ENO3: variants seen among roughly 807,000 people sequenced by gnomAD.
ENO3 encodes enolase 3, also known as beta-enolase.
Under a neutral mutation model 47.7 loss-of-function variants are expected in ENO3, and 46 were observed. The observed-to-expected ratio is 0.96, with a 90% confidence interval of 0.76 to 1.23. The LOEUF (loss-of-function observed/expected upper bound fraction) is 1.23, where lower values mean the gene tolerates loss of function less well. ENO3 is among the 50% of genes most tolerant of loss of function. ENO3 has a pLI of 0.00. For missense variants in ENO3, 575 were observed against 566.2 expected, an observed-to-expected ratio of 1.02 and a Z score of -0.16; for synonymous variants, 223 against 225.9, an observed-to-expected ratio of 0.99 and a Z score of 0.11.
At position 4,955,476 on chromosome 17, in the gene ENO3, T is replaced by C. The variant is rs200479387; in HGVS notation, c.737T>C (p.Val246Ala). 4.6e-4 allele frequency: 741 copies of C among 1,614,124 alleles called. 1 individual carries two copies. The highest frequency in any genetic ancestry group is 5.8e-4 in the Non-Finnish European group (689 of 1,180,052). ...YPDKVVIGMD[V>A]AASEFYRNGK... ...GACAAGGTGGTGATCGGCATGGATGTGGCAGCATCTGAGTTCTATCGCAAT... is the reference window on the plus strand; with the variant it reads ...GACAAGGTGGTGATCGGCATGGATGCGGCAGCATCTGAGTTCTATCGCAAT... Residue 246 changes from valine to alanine, a missense_variant, in exon 8 of 12, where the codon GTG (valine) becomes GCG (alanine). By Grantham distance (64) the Val-to-Ala change is moderately conservative (BLOSUM62 0). Transcript: ENST00000519602.
At chr17:4,950,404 C>T (rs1971506426), upstream of ENO3, 1 of 214,494 alleles carries the variant, frequency 4.7e-6, no homozygotes, top group South Asian at 1.7e-4. Context: ...CATTGATGGG[C>T]TGGGGCCGTG....
At chr17:4,951,788 G>A (rs1185070183) in intron 1 of ENO3, 40 bp from the exon 2 acceptor site, 1 of 1,600,432 alleles carries the variant, frequency 6.2e-7, no homozygotes, top group Non-Finnish European at 8.6e-7. Flanking sequence ...TTCCTTAAGA[G>A]ATCAACTGTC....
At chr17:4,951,205 GGGGGTGGA>G in intron 1 of ENO3, 23 bp downstream of exon 1, 3 of 991,578 alleles carry the variant, frequency 3.0e-6, no homozygotes, top group Non-Finnish European at 3.6e-6. Context: ...TTCCAGCCCT[GGGGGTGGA>G]GGTAGTAAAG....
Position 4,952,814 on chromosome 17 carries a change from G to C in ENO3, c.105G>C (p.Val35=). 1 of 1,611,332 alleles carries C rather than the reference G, an allele frequency of 6.2e-7. No homozygotes were observed. Among genetic ancestry groups the C allele is most frequent in the Non-Finnish European group, 8.5e-7 (1 of 1,178,538 alleles). ...TCCCAGGCCGATTCCGAGCAGCTGT[G>C]CCCAGTGGGGCTTCCACGGGTATCT... ...HTAKGRFRAA[V]PSGASTGIYE... Residue 35 remains valine, a synonymous_variant, in exon 3 of 12, where the codon GTG becomes GTC. Transcript: ENST00000519602.
chr17:4,951,729 C>G (rs749440108), intron 1 of ENO3, 99 bp from the exon 2 acceptor site: 85 of 1,340,900 alleles, frequency 6.3e-5, no homozygotes, highest in Non-Finnish European at 8.4e-5. Flanking sequence ...AGCTCCAGCA[C>G]CTGCCTTCTT....
Position 4,956,142 on chromosome 17 carries a change from G to A in ENO3, c.1066G>A (p.Ala356Thr), listed in dbSNP as rs1166633637. 1.2e-6 allele frequency: 2 copies of A among 1,613,794 alleles called. No individual in the cohort carries two copies. The highest frequency in any genetic ancestry group is 4.5e-5 in the East Asian group (2 of 44,868). Reference protein sequence around the residue: ...QIGSVTESIQACKLAQSNGWG... With the variant: ...QIGSVTESIQTCKLAQSNGWG... ...CGGCTCGGTGACCGAATCGATCCAGGCGTGAGTGCCTCCTGACCCTGAGGC... is the reference window on the plus strand; with the variant it reads ...CGGCTCGGTGACCGAATCGATCCAGACGTGAGTGCCTCCTGACCCTGAGGC... The change falls in exon 9 of 12, where the codon GCG becomes ACG. Residue 356 changes from alanine (A) to threonine (T), a missense_variant and splice_region_variant. By Grantham distance (58) the Ala-to-Thr change is moderately conservative. Transcript: ENST00000519602.
chr17:4,952,052 C>T (rs1971556636), intron 2 of ENO3, 138 bp downstream of exon 2: 4 of 923,132 alleles, frequency 4.3e-6, no homozygotes, highest in Non-Finnish European at 6.8e-6. Flanking sequence ...CTTCTTCCAA[C>T]GTGGAACCAG....
rs766111594 is a variant in ENO3, at chr17:4,957,026, C to T, written c.1284C>T (p.Phe428=). 1 of 1,614,186 alleles carries T rather than the reference C, an allele frequency of 6.2e-7. No homozygotes were observed. The highest frequency in any genetic ancestry group is 1.1e-5 in the South Asian group (1 of 91,082). Residue 428 remains phenylalanine, a synonymous_variant, in exon 12 of 12, where the codon TTC becomes TTT. Coordinates refer to ENST00000519602, the MANE Select transcript of ENO3 (RefSeq NM_053013.4). The part of the protein sequence containing the change: ...GDKAIFAGRK[F]RNPKAK The stretch of plus-strand genomic sequence containing the variant: ...AGGCAATCTTTGCTGGACGCAAGTT[C>T]CGTAACCCGAAGGCCAAGTGAGAAG...
rs1438084608 is a variant in ENO3, at chr17:4,953,801, A to T, written c.400A>T (p.Ile134Phe). ...AEKGVPLYRH[I>F]ADLAGNPDLI... ...GAAGGGGGTCCCCCTGTACCGCCAC[A>T]TCGCAGATCTCGCTGGGAACCCTGA... Residue 134 changes from isoleucine to phenylalanine, a missense_variant, in exon 6 of 12, where the codon ATC becomes TTC. By Grantham distance (21) the Ile-to-Phe change is conservative. Coordinates refer to ENST00000519602, the MANE Select transcript of ENO3 (RefSeq NM_053013.4). 1 of 1,614,160 alleles carries T rather than the reference A, an allele frequency of 6.2e-7. No homozygotes were observed. The highest frequency in any genetic ancestry group is 8.5e-7 in the Non-Finnish European group (1 of 1,180,018).
At chr17:4,955,626 G>A in intron 8 of ENO3, 22 bp downstream of exon 8, 1 of 1,614,148 alleles carries the variant, frequency 6.2e-7, no homozygotes. Flanking sequence ...GGGTGTCCCA[G>A]TGTTCCTGCC....
intron 6 of ENO3, 85 bp downstream of exon 6, chr17:4,953,930 A>T: frequency 6.3e-7 from 1 of 1,596,256 alleles, no homozygotes; most frequent in Non-Finnish European, 8.6e-7. Context: ...TGGAAAATCC[A>T]CCTTTCAGAC....
rs778664924 is a variant in ENO3 at position 4,955,446 on chromosome 17, AC to A, written c.710del (p.Pro237GlnfsTer5). 8.1e-6 allele frequency: 13 copies of A among 1,614,132 alleles called. No homozygotes were observed. The highest frequency in any genetic ancestry group is 3.3e-5 in the Admixed American group (2 of 60,014). On this transcript the variant is annotated frameshift_variant, in exon 8 of 12. Transcript: ENST00000519602. LOFTEE classifies it high-confidence loss of function. ...AAGACGGCCATCCAGGCGGCTGGTTACCCAGACAAGGTGGTGATCGGCATGG... is the reference window on the plus strand; with the variant it reads ...AAGACGGCCATCCAGGCGGCTGGTTACCAGACAAGGTGGTGATCGGCATGG... Reference protein sequence around the residue: ...LLKTAIQAAGYPDKVVIGMDV... With the variant: ...LLKTAIQAAGXPDKVVIGMDV...
chr17:4,951,269 T>A, intron 1 of ENO3, 87 bp downstream of exon 1: 1 of 1,007,986 alleles, frequency 9.9e-7, no homozygotes, highest in Non-Finnish European at 1.2e-6. Flanking sequence ...CATTTCTGCT[T>A]TTTTTCCTCC....
At chr17:4,955,889 T>A in intron 8 of ENO3, 53 bp from the exon 9 acceptor site, 1 of 1,476,058 alleles carries the variant, frequency 6.8e-7, no homozygotes, top group Non-Finnish European at 9.4e-7. Context: ...CTGCCCTGTC[T>A]CTGCCCTGTC....
chr17:4,955,092 C>T lies in ENO3; in HGVS notation c.462C>T (p.Asn154=), dbSNP rs902764196. 9 of 1,596,944 alleles carry T rather than the reference C, an allele frequency of 5.6e-6. No individual in the cohort carries two copies. The highest frequency in any genetic ancestry group is 2.2e-5 in the South Asian group (2 of 90,938). The change falls in exon 7 of 12, where the codon AAC becomes AAT. Residue 154 remains asparagine (N), a synonymous_variant. Transcript: ENST00000519602. ...CATCTCAGGCCTTCAATGTGATCAA[C>T]GGGGGCTCCCATGCTGGAAACAAGC... ...ILPVPAFNVI[N]GGSHAGNKLA...
intron 2 of ENO3, chr17:4,952,374 C>G: frequency 3.2e-6 from 1 of 316,804 alleles, no homozygotes; most frequent in Non-Finnish European, 6.0e-6. Context: ...GATGGAGTCT[C>G]ACTCTGTCGC....
chr17:4,954,687 G>A (rs1002639077), intron 6 of ENO3, among the ~76,000 whole-genome samples: 1 of 152,136 alleles, frequency 6.6e-6, no homozygotes, highest in African/African-American at 2.4e-5. Context: ...GGCCGAGGCG[G>A]GCAGATCACA....
chr17:4,955,206 C>A lies in ENO3; in HGVS notation c.576C>A (p.Leu192=). 1 of 1,614,286 alleles carries A rather than the reference C, an allele frequency of 6.2e-7. No homozygotes were observed. The highest frequency in any genetic ancestry group is 8.5e-7 in the Non-Finnish European group (1 of 1,180,054). The change falls in exon 7 of 12, where the codon CTC becomes CTA. Residue 192 remains leucine (L), a synonymous_variant. Transcript: ENST00000519602. The part of the protein sequence containing the change: ...MRIGAEVYHH[L]KGVIKAKYGK... Reference sequence around the variant, plus strand: ...TTGGCGCCGAGGTCTACCACCACCTCAAGGGGGTCATCAAGGCCAAGTATG... The same window carrying A: ...TTGGCGCCGAGGTCTACCACCACCTAAAGGGGGTCATCAAGGCCAAGTATG...
At chr17:4,950,637 C>T (rs1036998446), upstream of ENO3, 1 of 985,372 alleles carries the variant, frequency 1.0e-6, no homozygotes, top group Non-Finnish European at 1.2e-6. Flanking sequence ...AGAGGTGAGA[C>T]CCTCTCGCCT....
Sources: gnomAD v4.1 joint callset for allele counts (sites outside exome capture counted in the v4.1 genomes callset) on GRCh38, gnomAD v4.1.1 for gene constraint, MANE v1.5 for transcripts, NCBI Gene and HGNC (gene_info 2026-07-23, HGNC 2026-07-21) for gene names.